TJP2: variants seen among roughly 807,000 people sequenced by gnomAD.
TJP2 encodes Friedreich ataxia region gene X104 (tight junction protein ZO-2).
In TJP2, 91 loss-of-function variants were observed where a neutral mutation model predicts 133.1. The observed-to-expected ratio is 0.68, with a 90% CI of 0.58 to 0.81. TJP2 has a LOEUF of 0.81. Ranked by LOEUF, TJP2 falls within the 40% of genes least tolerant of loss-of-function variation. The pLI is 0.00. For synonymous variants in TJP2, 592 were observed against 583.4 expected, an observed-to-expected ratio of 1.01 and a Z score of -0.21; for missense variants, 1,541 against 1,565.6, an observed-to-expected ratio of 0.98 and a Z score of 0.26.
At chr9:69,190,906 A>G (rs1826161031) in intron 1 of TJP2, among the ~76,000 whole-genome samples, 1 of 152,232 alleles carries the variant, frequency 6.6e-6, no homozygotes, top group Admixed American at 6.5e-5. Flanking sequence ...TGTAGTGGCA[A>G]GCCTAAAATA....
At chr9:69,148,332 A>G (rs1206271320) in intron 1 of TJP2, among the ~76,000 whole-genome samples, 1 of 147,340 alleles carries the variant, frequency 6.8e-6, no homozygotes, top group African/African-American at 2.5e-5. Flanking sequence ...TAAAACCTCA[A>G]GGAATTCATT....
chr9:69,171,151 A>G (rs1373199514), upstream of TJP2, among the ~76,000 whole-genome samples: 1 of 152,152 alleles, frequency 6.6e-6, no homozygotes. Context: ...AGCCACCGTC[A>G]TCTCCTTTAA....
rs747100913 is a variant in TJP2 at position 69,229,231 on chromosome 9, G to A, written c.1501G>A (p.Glu501Lys). The A allele has an allele frequency of 6.2e-7, 1 of 1,614,028 alleles. No individual in the cohort carries two copies. Among genetic ancestry groups the A allele is most frequent in the Non-Finnish European group, 8.5e-7 (1 of 1,179,988 alleles). The change falls in exon 10 of 23, where the codon GAA becomes AAA. Residue 501 changes from glutamate (E) to lysine (K), a missense_variant. Physicochemically the swap from Glu to Lys is moderately conservative, Grantham distance 56. Coordinates refer to ENST00000377245, the MANE Select transcript of TJP2 (RefSeq NM_004817.4). ...APRTFLRPSP[E>K]DEAIYGPNTK... Reference sequence around the variant, plus strand: ...GAGAACTTTTCTTCGTCCTAGTCCTGAAGATGAAGCAATATATGGGTATGT... The same window carrying A: ...GAGAACTTTTCTTCGTCCTAGTCCTAAAGATGAAGCAATATATGGGTATGT...
At chr9:69,221,863 CTTTTT>C (rs11308693) in intron 5 of TJP2, among the ~76,000 whole-genome samples, 1 of 112,250 alleles carries the variant, frequency 8.9e-6, no homozygotes. Flanking sequence ...GGAATAGCTA[CTTTTT>C]TTTTTTTTTT....
chr9:69,179,536 T>C (rs1446338588), intron 1 of TJP2, among the ~76,000 whole-genome samples: 1 of 144,342 alleles, frequency 6.9e-6, no homozygotes, highest in South Asian at 2.2e-4. Context: ...TGAGACGGAG[T>C]CTCCCTCTGT....
At chr9:69,148,662 C>T (rs1823328921) in intron 1 of TJP2, among the ~76,000 whole-genome samples, 1 of 152,040 alleles carries the variant, frequency 6.6e-6, no homozygotes, top group Admixed American at 6.6e-5. Flanking sequence ...GAGCCACCGC[C>T]CCCCTCTGTA....
At chr9:69,171,712 G>A (rs967657340), upstream of TJP2, among the ~76,000 whole-genome samples, 1 of 150,156 alleles carries the variant, frequency 6.7e-6, no homozygotes, top group African/African-American at 2.4e-5. Flanking sequence ...AATAGACTGA[G>A]TTTCCTAAGG....
At chr9:69,234,740 A>C (rs931907738) in intron 12 of TJP2, among the ~76,000 whole-genome samples, 193 bp downstream of exon 12, 2 of 152,168 alleles carry the variant, frequency 1.3e-5, no homozygotes, top group African/African-American at 2.4e-5. Context: ...AATGTTTTCT[A>C]TGCATGCACT....
At chr9:69,178,155 A>G (rs1825234194) in intron 1 of TJP2, among the ~76,000 whole-genome samples, 1 of 152,064 alleles carries the variant, frequency 6.6e-6, no homozygotes, top group African/African-American at 2.4e-5. Flanking sequence ...CCCCCAAAAT[A>G]CCTAATCATT....
chr9:69,248,931 T>C (rs1348419888), intron 19 of TJP2: 17 of 988,886 alleles, frequency 1.7e-5, no homozygotes, highest in Non-Finnish European at 1.9e-5. Flanking sequence ...TTTTAGCTCA[T>C]TCCAGTAAAT....
chr9:69,234,389 TCTTTCTTTC>T lies in TJP2; in HGVS notation c.1672-49_1672-41del. ...TCTGTTTTTTCTTTCTTTCTTTCTTTCTTTCTTTCTTTTTTTTTTTTTTCTTTTTCTGTT... is the reference window on the plus strand; with the variant it reads ...TCTGTTTTTTCTTTCTTTCTTTCTTTTTTTTTTTTTTTTTCTTTTTCTGTT... On this transcript the variant is annotated intron_variant, in intron 11 of 22. Coordinates refer to ENST00000377245, the MANE Select transcript of TJP2 (RefSeq NM_004817.4). 5.2e-6 allele frequency: 7 copies of T among 1,341,606 alleles called. No homozygotes were observed. In the South Asian group the frequency reaches 5.2e-5, roughly 10 times the overall value. The allele number at this position is 1,341,606 out of a possible 1,614,324, so 83.1% of individuals were successfully genotyped here.
chr9:69,234,539 G>A lies in TJP2; in HGVS notation c.1772G>A (p.Arg591Gln), dbSNP rs557871063. 1.2e-5 allele frequency: 19 copies of A among 1,558,500 alleles called. No homozygotes were observed. Among genetic ancestry groups the A allele is most frequent in the African/African-American group, 8.4e-5 (6 of 71,476 alleles). Reference protein sequence around the residue: ...GEMVTILAQSRADVYRDILAC... With the variant: ...GEMVTILAQSQADVYRDILAC... ...ATGGTGACCATTTTAGCTCAGAGCC[G>A]AGCCGATGGTGAGCAAATTTGGTCA... Residue 591 changes from arginine to glutamine, a missense_variant, in exon 12 of 23, where the codon CGA (arginine) becomes CAA (glutamine). By Grantham distance (43) the Arg-to-Gln change is conservative. Coordinates refer to ENST00000377245, the MANE Select transcript of TJP2 (RefSeq NM_004817.4).
chr9:69,167,261 T>C (rs1429672675), intron 2 of TJP2, among the ~76,000 whole-genome samples: 1 of 151,974 alleles, frequency 6.6e-6, no homozygotes, highest in Admixed American at 6.6e-5. Context: ...AATAAATAAA[T>C]AAAAATAATA....
At chr9:69,142,953 G>T (rs947044976) in intron 1 of TJP2, among the ~76,000 whole-genome samples, 9 of 152,300 alleles carry the variant, frequency 5.9e-5, no homozygotes, top group Non-Finnish European at 1.2e-4. Flanking sequence ...GAATTATGAA[G>T]TGTCATATCT....
At chr9:69,227,940 C>T (rs983528648) in intron 8 of TJP2, 41 bp from the exon 9 acceptor site, 2 of 1,613,924 alleles carry the variant, frequency 1.2e-6, no homozygotes, top group Non-Finnish European at 1.7e-6. Flanking sequence ...ATTTATGAAA[C>T]TGTTATCTCT....
At chr9:69,186,891 T>C (rs1825894259) in intron 1 of TJP2, among the ~76,000 whole-genome samples, 1 of 152,188 alleles carries the variant, frequency 6.6e-6, no homozygotes, top group African/African-American at 2.4e-5. Context: ...GTTTCCTCCT[T>C]AGTCCCTGGA....
intron 2 of TJP2, among the ~76,000 whole-genome samples, chr9:69,155,761 C>T (rs1823722734): frequency 6.6e-6 from 1 of 152,194 alleles, no homozygotes; most frequent in African/African-American, 2.4e-5. Context: ...AATTTGGAAT[C>T]AGTAAATTGC....
At chr9:69,169,354 CTTT>C (rs59465317), upstream of TJP2, among the ~76,000 whole-genome samples, 33 of 120,480 alleles carry the variant, frequency 2.7e-4, no homozygotes, top group Middle Eastern at 4.5e-3. Flanking sequence ...AAACTTTTCT[CTTT>C]TTTTTTTTTT....
At chr9:69,139,956 C>T (rs894036415) in intron 1 of TJP2, among the ~76,000 whole-genome samples, 1 of 152,182 alleles carries the variant, frequency 6.6e-6, no homozygotes, top group African/African-American at 2.4e-5. Flanking sequence ...GCCAAACCTT[C>T]GTCTAGAGCA....
Sources: gnomAD v4.1 joint callset for allele counts (sites outside exome capture counted in the v4.1 genomes callset) on GRCh38, gnomAD v4.1.1 for gene constraint, MANE v1.5 for transcripts, NCBI Gene and HGNC (gene_info 2026-07-23, HGNC 2026-07-21) for gene names.